Variants in SSUH2 observed in about 807,000 individuals in gnomAD.
SSUH2 encodes protein SSUH2 homolog.
SSUH2 carries 47 observed loss-of-function variants against 55.3 expected under a neutral mutation model. The observed-to-expected ratio is 0.85, with a 90% CI of 0.67 to 1.08. The LOEUF (loss-of-function observed/expected upper bound fraction) is 1.08, where lower values mean the gene tolerates loss of function less well. Among genes scored for constraint, SSUH2 ranks in the 50% least tolerant of loss-of-function variants. The probability of loss-of-function intolerance (pLI) is 0.00; values close to 1 mark genes in which losing one functional copy is unlikely to be tolerated. For missense variants in SSUH2, 535 were observed against 490.7 expected, an observed-to-expected ratio of 1.09 and a Z score of -0.85; for synonymous variants, 212 against 191.5, an observed-to-expected ratio of 1.11 and a Z score of -0.89.
intron 6 of SSUH2, among the ~76,000 whole-genome samples, chr3:8,661,221 TTCAC>T (rs1439523991): frequency 2.0e-5 from 3 of 152,256 alleles, no homozygotes; most frequent in Non-Finnish European, 4.4e-5. Flanking sequence ...CCTCTGTGCT[TTCAC>T]TCACTCTGTT....
chr3:8,626,361 A>G (rs767511727), intron 8 of SSUH2, 40 bp from the exon 9 acceptor site: 8 of 1,556,036 alleles, frequency 5.1e-6, no homozygotes, highest in Non-Finnish European at 6.2e-6. Context: ...GATCAGTTGC[A>G]GGTCCTGGTG....
chr3:8,635,472 G>A, intron 2 of SSUH2, 91 bp from the exon 3 acceptor site: 1 of 977,008 alleles, frequency 1.0e-6, no homozygotes, highest in South Asian at 1.5e-5. Flanking sequence ...TTGAATGTGA[G>A]AAAGAACAGA....
chr3:8,645,808 GC>G (rs1045019142), upstream of SSUH2, among the ~76,000 whole-genome samples: 1 of 152,230 alleles, frequency 6.6e-6, no homozygotes, highest in African/African-American at 2.4e-5. Flanking sequence ...ATGGCTCCCA[GC>G]TGCTCCATAA....
At chr3:8,670,565 A>T (rs12633790) in intron 5 of SSUH2, among the ~76,000 whole-genome samples, 29,845 of 151,940 alleles carry the variant, frequency 0.2, 3,264 homozygotes, top group African/African-American at 0.29. Context: ...CCCGGTGACA[A>T]TAAAAATAAC....
At chr3:8,638,423 T>C (rs1271105601) in intron 1 of SSUH2, among the ~76,000 whole-genome samples, 1 of 152,232 alleles carries the variant, frequency 6.6e-6, no homozygotes, top group Non-Finnish European at 1.5e-5. Context: ...GAAAAAAGTT[T>C]CATAGACGTA....
chr3:8,674,856 C>G (rs547261110), intron 3 of SSUH2, among the ~76,000 whole-genome samples: 1 of 143,216 alleles, frequency 7.0e-6, no homozygotes. Flanking sequence ...TCTGGCCAAG[C>G]GGTGGCCAAG....
chr3:8,674,876 G>A (rs1489234913), intron 3 of SSUH2, among the ~76,000 whole-genome samples: 2 of 152,072 alleles, frequency 1.3e-5, no homozygotes, highest in African/African-American at 4.8e-5. Context: ...GGGTCCGGGC[G>A]GAAGACAACC....
rs200530792 is a variant in SSUH2 at position 8,681,082 on chromosome 3, AG to A, written c.-1046+808del. On this transcript the variant is annotated intron_variant, in intron 1 of 18. Transcript: ENST00000317371. ...CGCTGGCTCTTAGGACTTCCATAGC[AG>A]GGGGGAGAGGCACCCCCGCGAGGCG... Among the ~76,000 whole-genome samples the A allele has an allele frequency of 8.8e-4, 88 of 99,580 alleles. 1 individual carries two copies. Among genetic ancestry groups the A allele is most frequent in the Non-Finnish European group, 1.6e-3 (68 of 41,736 alleles). 65.3% of individuals were successfully genotyped at this position (99,580 alleles called of 152,430 possible).
At position 8,626,284 on chromosome 3, in the gene SSUH2, C is replaced by T. The variant is rs767428753; in HGVS notation, c.712G>A (p.Ala238Thr). The T allele has an allele frequency of 1.5e-5, 25 of 1,613,992 alleles. 1 individual carries two copies. Among genetic ancestry groups the T allele is most frequent in the African/African-American group, 4.0e-5 (3 of 74,914 alleles). The change falls in exon 9 of 12, where the codon GCC (alanine) becomes ACC (threonine). Residue 238 changes from alanine (A) to threonine (T), a missense_variant. Ala to Thr is a moderately conservative substitution (Grantham distance 58). Transcript: ENST00000544814. ...TCSGRGNKTC[A>T]TCKGEKKLLH... ...AGCTTCTTCTCCCCCTTGCAGGTGG[C>T]GCAGGTCTTGTTCCCTCTCCCTGAG...
rs374027281 is a variant in SSUH2, at chr3:8,623,514, C to T, written c.981+35G>A. The T allele has an allele frequency of 5.1e-5, 64 of 1,246,898 alleles. No homozygotes were observed. In the Admixed American group the frequency reaches 5.1e-4, roughly 10 times the overall value. 77.2% of individuals were successfully genotyped at this position (1,246,898 alleles called of 1,614,324 possible). On this transcript the variant is annotated intron_variant, in intron 11 of 11. Coordinates refer to ENST00000544814, the MANE Select transcript of SSUH2 (RefSeq NM_001256748.3). ...GAGGGCTCAGCAGCCCAGGAAGAGA[C>T]GTCAGAGCCAGATGGCCCCTCCGCC...
intron 6 of SSUH2, among the ~76,000 whole-genome samples, chr3:8,663,567 G>A (rs964206058): frequency 4.6e-5 from 7 of 152,186 alleles, no homozygotes; most frequent in African/African-American, 1.7e-4. Context: ...GCAGTGGGGC[G>A]GGGTGGGGGG....
At chr3:8,657,078 G>T (rs530318646) in intron 7 of SSUH2, among the ~76,000 whole-genome samples, 106 of 152,188 alleles carry the variant, frequency 7.0e-4, no homozygotes, top group Non-Finnish European at 7.6e-4. Flanking sequence ...AGAGGGTTTT[G>T]CCATGTTGGC....
At chr3:8,679,335 CG>C (rs373725419) in intron 2 of SSUH2, among the ~76,000 whole-genome samples, 892 of 79,772 alleles carry the variant, frequency 0.011, 192 homozygotes, top group East Asian at 0.081. Flanking sequence ...CCCCTCTTCC[CG>C]CCCCTTGCTC....
At chr3:8,641,893 C>G (rs1156882148) in intron 1 of SSUH2, among the ~76,000 whole-genome samples, 2 of 152,036 alleles carry the variant, frequency 1.3e-5, no homozygotes, top group African/African-American at 4.8e-5. Flanking sequence ...CTTCTGGGAG[C>G]AGAGCTGGCC....
intron 10 of SSUH2, among the ~76,000 whole-genome samples, chr3:8,624,155 C>A (rs903118): frequency 2.6e-5 from 4 of 152,128 alleles, no homozygotes; most frequent in Admixed American, 1.3e-4. Flanking sequence ...GCCCCCAGAT[C>A]CCCTTCTGCC....
rs78925411 is a variant in SSUH2 at position 8,624,669 on chromosome 3, T to G, written c.873+873A>C. On this transcript the variant is annotated intron_variant, in intron 10 of 11. Transcript: ENST00000544814. ...GCTTTCAGACTATGTAGTCTGTCAT[T>G]ATCCAGCTCTGTCCCACCATCAGGA... Among the ~76,000 whole-genome samples, 187 of 152,342 alleles carry G rather than the reference T, an allele frequency of 1.2e-3. 5 individuals carry two copies. The East Asian group carries it at 0.031, about 25-fold the overall frequency.
intron 10 of SSUH2, 114 bp from the exon 11 acceptor site, chr3:8,623,770 AGGGACCCACGGT>A: frequency 1.7e-6 from 1 of 597,276 alleles, no homozygotes; most frequent in Non-Finnish European, 3.0e-6. Flanking sequence ...GGGCTGAGAG[AGGGACCCACGGT>A]GTGGTCTCAG....
chr3:8,671,479 G>C lies in SSUH2; in HGVS notation c.-610-326C>G, dbSNP rs72492961. 2.5e-4 allele frequency among the ~76,000 whole-genome samples: 38 copies of C among 151,506 alleles called. 1 individual carries two copies. The East Asian group carries it at 7.4e-3, about 29-fold the overall frequency. On this transcript the variant is annotated intron_variant, in intron 4 of 18. Coordinates refer to the SSUH2 transcript ENST00000317371. Reference sequence around the variant, plus strand: ...AGGTGACATCCCTCTAGGATATTATGAATAATATCAAACGGAACCTGCCCC... The same window carrying C: ...AGGTGACATCCCTCTAGGATATTATCAATAATATCAAACGGAACCTGCCCC...
chr3:8,655,901 T>C (rs1702891092), intron 7 of SSUH2, among the ~76,000 whole-genome samples: 1 of 152,188 alleles, frequency 6.6e-6, no homozygotes, highest in South Asian at 2.1e-4. Context: ...CTGGGGAATG[T>C]TTCAGATATC....
Sources: gnomAD v4.1 joint callset for allele counts (sites outside exome capture counted in the v4.1 genomes callset) on GRCh38, gnomAD v4.1.1 for gene constraint, MANE v1.5 for transcripts, NCBI Gene and HGNC (gene_info 2026-07-23, HGNC 2026-07-21) for gene names.